Variants in CTNNA2 observed in about 807,000 individuals in gnomAD.
The protein encoded by CTNNA2 is catenin alpha 2.
CTNNA2 carries 42 observed loss-of-function variants against 101.0 expected under a neutral mutation model. The ratio of observed to expected loss-of-function variants is 0.42; its 90% CI spans 0.32 to 0.54. The LOEUF (loss-of-function observed/expected upper bound fraction) is 0.54. Ranked by LOEUF, CTNNA2 falls within the 20% of genes least tolerant of loss-of-function variation. The pLI is 0.14. For missense variants in CTNNA2, 871 were observed against 1,223.1 expected, an observed-to-expected ratio of 0.71 and a Z score of 4.29; for synonymous variants, 450 against 456.4, an observed-to-expected ratio of 0.99 and a Z score of 0.18.
At position 79,407,489 on chromosome 2, in the gene CTNNA2, A is replaced by C. The variant is rs567846024; in HGVS notation, c.-135+33476A>C. On this transcript the variant is annotated intron_variant, in intron 4 of 21. Transcript: ENST00000466387. ...CAACTTCACACACATGTACATAAAC[A>C]CTACATGCATTATCCCCACACACCT... 5.9e-5 allele frequency among the ~76,000 whole-genome samples: 9 copies of C among 152,066 alleles called. No individual in the cohort carries two copies. In the East Asian group the frequency reaches 1.6e-3, roughly 26 times the overall value.
intron 1 of CTNNA2, among the ~76,000 whole-genome samples, chr2:79,193,403 A>T (rs2104164772): frequency 6.6e-6 from 1 of 152,296 alleles, no homozygotes; most frequent in Non-Finnish European, 1.5e-5. Context: ...TCATTGTGTA[A>T]CAGTTACCTA....
chr2:79,865,876 C>T (rs1368171446), intron 4 of CTNNA2, among the ~76,000 whole-genome samples: 1 of 152,198 alleles, frequency 6.6e-6, no homozygotes, highest in Admixed American at 6.5e-5. Flanking sequence ...CCCACCACCA[C>T]GCCTGGCTAA....
chr2:80,220,325 C>T (rs1219789910), intron 7 of CTNNA2, among the ~76,000 whole-genome samples: 1 of 152,242 alleles, frequency 6.6e-6, no homozygotes, highest in Non-Finnish European at 1.5e-5. Context: ...GCCACATGGG[C>T]TCACAAATAA....
intron 7 of CTNNA2, among the ~76,000 whole-genome samples, chr2:80,315,091 A>G (rs998598822): frequency 2.6e-4 from 40 of 152,208 alleles, no homozygotes; most frequent in African/African-American, 9.4e-4. Context: ...ATAACTACCT[A>G]TATCAATTTC....
chr2:79,600,388 G>T (rs1677474864), intron 1 of CTNNA2, among the ~76,000 whole-genome samples: 1 of 151,918 alleles, frequency 6.6e-6, no homozygotes, highest in Non-Finnish European at 1.5e-5. Context: ...CTGTTGACTA[G>T]GCTGGTCTCA....
intron 3 of CTNNA2, among the ~76,000 whole-genome samples, chr2:79,845,606 A>G (rs1432156888): frequency 1.3e-5 from 2 of 152,234 alleles, no homozygotes; most frequent in East Asian, 1.9e-4. Flanking sequence ...ACTTATTTTA[A>G]AAATGTATTT....
At chr2:79,266,707 G>A (rs1324628066) in intron 2 of CTNNA2, among the ~76,000 whole-genome samples, 1 of 152,068 alleles carries the variant, frequency 6.6e-6, no homozygotes, top group Non-Finnish European at 1.5e-5. Flanking sequence ...GACTCTTCCT[G>A]TAATGAATTG....
At chr2:80,490,958 C>T (rs541100217) in intron 9 of CTNNA2, among the ~76,000 whole-genome samples, 2 of 152,310 alleles carry the variant, frequency 1.3e-5, no homozygotes, top group South Asian at 4.1e-4. Context: ...AATCTAGGGG[C>T]ATGGCCTCAA....
intron 7 of CTNNA2, among the ~76,000 whole-genome samples, chr2:80,022,697 A>G (rs1243691870): frequency 1.3e-5 from 2 of 152,158 alleles, no homozygotes; most frequent in Admixed American, 6.5e-5. Flanking sequence ...CAACATGACA[A>G]TGTTGTCTTT....
At chr2:80,294,914 G>C (rs902141311) in intron 7 of CTNNA2, among the ~76,000 whole-genome samples, 8 of 152,160 alleles carry the variant, frequency 5.3e-5, no homozygotes, top group African/African-American at 1.9e-4. Flanking sequence ...TGGTGGACCA[G>C]AATAAAGAAA....
At chr2:80,091,060 G>A (rs1411150240) in intron 7 of CTNNA2, among the ~76,000 whole-genome samples, 2 of 152,044 alleles carry the variant, frequency 1.3e-5, no homozygotes, top group African/African-American at 4.8e-5. Flanking sequence ...GTGTCAGAGA[G>A]GTATAGTCTC....
At chr2:79,288,770 A>G (rs762594178) in intron 2 of CTNNA2, among the ~76,000 whole-genome samples, 2 of 152,202 alleles carry the variant, frequency 1.3e-5, no homozygotes, top group Admixed American at 6.5e-5. Flanking sequence ...AATGTATTCT[A>G]TTTGTCAAAA....
intron 7 of CTNNA2, among the ~76,000 whole-genome samples, chr2:79,958,001 A>G (rs1309484901): frequency 6.6e-6 from 1 of 152,222 alleles, no homozygotes; most frequent in Non-Finnish European, 1.5e-5. Context: ...TGAGCTAATC[A>G]GTCAAAATTA....
At chr2:80,528,434 G>A (rs1345838944) in intron 9 of CTNNA2, among the ~76,000 whole-genome samples, 1 of 152,114 alleles carries the variant, frequency 6.6e-6, no homozygotes, top group African/African-American at 2.4e-5. Context: ...CTGATCTCGT[G>A]ATCTGCCTGC....
intron 2 of CTNNA2, among the ~76,000 whole-genome samples, chr2:79,263,509 C>T (rs978220669): frequency 2.6e-5 from 4 of 152,158 alleles, no homozygotes; most frequent in Admixed American, 6.6e-5. Context: ...GCCTGCAGAA[C>T]CATGAGCCAA....
At chr2:79,531,722 C>T (rs971642988) in intron 1 of CTNNA2, among the ~76,000 whole-genome samples, 2 of 150,772 alleles carry the variant, frequency 1.3e-5, no homozygotes, top group African/African-American at 4.9e-5. Flanking sequence ...CACTCTGTTG[C>T]CCAGGCTGGA....
chr2:80,025,817 C>A (rs1384074171), intron 7 of CTNNA2, among the ~76,000 whole-genome samples: 1 of 152,200 alleles, frequency 6.6e-6, no homozygotes, highest in Admixed American at 6.5e-5. Context: ...GTCCTCCATT[C>A]AGTAGCTATT....
chr2:80,591,728 A>C (rs72823777), intron 15 of CTNNA2, among the ~76,000 whole-genome samples: 1 of 152,228 alleles, frequency 6.6e-6, no homozygotes, highest in Non-Finnish European at 1.5e-5. Context: ...GTGGGTACAC[A>C]ATACCCTGGC....
At chr2:80,146,416 C>T (rs910504171) in intron 7 of CTNNA2, among the ~76,000 whole-genome samples, 3 of 152,134 alleles carry the variant, frequency 2.0e-5, no homozygotes, top group Admixed American at 6.6e-5. Context: ...CTCTCTCCAA[C>T]TTTCTGCTGA....
Sources: gnomAD v4.1 joint callset for allele counts (sites outside exome capture counted in the v4.1 genomes callset) on GRCh38, gnomAD v4.1.1 for gene constraint, MANE v1.5 for transcripts, NCBI Gene and HGNC (gene_info 2026-07-23, HGNC 2026-07-21) for gene names.